Variants in SLCO4C1 observed in about 807,000 individuals in gnomAD.
The protein encoded by SLCO4C1 is organic anion transporter M1.
Under a neutral mutation model 72.1 loss-of-function variants are expected in SLCO4C1, and 58 were observed. The observed-to-expected ratio is 0.80, with a 90% CI of 0.65 to 1.00. The LOEUF (loss-of-function observed/expected upper bound fraction) is 1.00, where lower values mean the gene tolerates loss of function less well. Ranked by LOEUF, SLCO4C1 falls within the 50% of genes least tolerant of loss-of-function variation. SLCO4C1 has a pLI of 0.00. For synonymous variants in SLCO4C1, 297 were observed against 312.5 expected, an observed-to-expected ratio of 0.95 and a Z score of 0.52; for missense variants, 898 against 857.9, an observed-to-expected ratio of 1.05 and a Z score of -0.58.
chr5:102,293,433 T>C (rs1186286791), intron 1 of SLCO4C1, among the ~76,000 whole-genome samples: 1 of 152,054 alleles, frequency 6.6e-6, no homozygotes, highest in Non-Finnish European at 1.5e-5. Flanking sequence ...AGAACACTAC[T>C]TAAAAAAACA....
rs77665689 is a variant in SLCO4C1, at chr5:102,289,744, T to C, written c.619+1599A>G. On this transcript the variant is annotated intron_variant, in intron 2 of 12. Coordinates refer to ENST00000310954, the MANE Select transcript of SLCO4C1 (RefSeq NM_180991.5). Reference sequence around the variant, plus strand: ...CTCAGATAATGTGCTAGAATCTATGTAAGTGCTCTCTCTGCTGATAACTTA... The same window carrying C: ...CTCAGATAATGTGCTAGAATCTATGCAAGTGCTCTCTCTGCTGATAACTTA... Among the ~76,000 whole-genome samples, 1,227 of 152,340 alleles carry C rather than the reference T, an allele frequency of 8.1e-3. 12 individuals carry two copies. The highest frequency in any genetic ancestry group is 0.015 in the Non-Finnish European group (997 of 68,034).
chr5:102,254,217 G>A (rs1225764034), intron 8 of SLCO4C1, among the ~76,000 whole-genome samples: 1 of 152,034 alleles, frequency 6.6e-6, no homozygotes, highest in Non-Finnish European at 1.5e-5. Flanking sequence ...CCATAGACAG[G>A]CTTACCTAGC....
At chr5:102,238,607 A>G (rs1748481647) in intron 12 of SLCO4C1, among the ~76,000 whole-genome samples, 2 of 152,170 alleles carry the variant, frequency 1.3e-5, no homozygotes, top group Non-Finnish European at 2.9e-5. Flanking sequence ...ATGTATACAT[A>G]CATTCAGGAT....
At chr5:102,278,965 A>G (rs1038744312) in intron 2 of SLCO4C1, among the ~76,000 whole-genome samples, 3 of 151,756 alleles carry the variant, frequency 2.0e-5, no homozygotes, top group African/African-American at 7.2e-5. Flanking sequence ...TAAATTTAAA[A>G]TAAGTAGAAG....
rs1465148720 is a variant in SLCO4C1 at position 102,260,268 on chromosome 5, C to T, written c.1073G>A (p.Ser358Asn). Reference sequence around the variant, plus strand: ...TTTTCCAAATTTCACATCTGCATTACTATTACTCTGATGAGCCTGGGAAGT... The same window carrying T: ...TTTTCCAAATTTCACATCTGCATTATTATTACTCTGATGAGCCTGGGAAGT... ...GKTSQAHQSN[S>N]NADVKFGKSI... Residue 358 changes from serine to asparagine, a missense_variant, in exon 6 of 13, where the codon AGT (serine) becomes AAT (asparagine). Ser to Asn is a conservative substitution (Grantham distance 46). Transcript: ENST00000310954. 9 of 1,398,824 alleles carry T rather than the reference C, an allele frequency of 6.4e-6. No individual in the cohort carries two copies. Among genetic ancestry groups the T allele is most frequent in the East Asian group, 2.8e-5 (1 of 35,562 alleles). The allele number at this position is 1,398,824 out of a possible 1,614,324, so 86.7% of individuals were successfully genotyped here.
intron 2 of SLCO4C1, among the ~76,000 whole-genome samples, chr5:102,287,061 C>T (rs1749465903): frequency 6.6e-6 from 1 of 152,086 alleles, no homozygotes; most frequent in Non-Finnish European, 1.5e-5. Context: ...AATTAAATTA[C>T]ATGTATAATT....
At chr5:102,282,525 G>T (rs1162800278) in intron 2 of SLCO4C1, among the ~76,000 whole-genome samples, 1 of 151,896 alleles carries the variant, frequency 6.6e-6, no homozygotes, top group African/African-American at 2.4e-5. Flanking sequence ...ACAAAGGAGG[G>T]TTGGTTAAAT....
At chr5:102,282,107 G>C (rs868822809) in intron 2 of SLCO4C1, among the ~76,000 whole-genome samples, 1 of 151,968 alleles carries the variant, frequency 6.6e-6, no homozygotes, top group Non-Finnish European at 1.5e-5. Context: ...ACAACAACAT[G>C]ATGAGTATTC....
intron 9 of SLCO4C1, among the ~76,000 whole-genome samples, chr5:102,249,321 A>G (rs973054014): frequency 2.6e-5 from 4 of 152,128 alleles, no homozygotes; most frequent in African/African-American, 9.7e-5. Context: ...ATTTGGGTAT[A>G]TGCAGGGGTC....
chr5:102,286,327 C>T (rs1749451526), intron 2 of SLCO4C1, among the ~76,000 whole-genome samples: 1 of 151,974 alleles, frequency 6.6e-6, no homozygotes, highest in Non-Finnish European at 1.5e-5. Flanking sequence ...TACAATTCCT[C>T]AGTATTTAAT....
At chr5:102,253,692 C>T (rs188620045) in intron 8 of SLCO4C1, among the ~76,000 whole-genome samples, 1 of 152,050 alleles carries the variant, frequency 6.6e-6, no homozygotes, top group Non-Finnish European at 1.5e-5. Flanking sequence ...ATAATCCCAG[C>T]TACTCGGGAG....
intron 2 of SLCO4C1, among the ~76,000 whole-genome samples, chr5:102,287,081 A>G (rs773930339): frequency 1.3e-5 from 2 of 152,162 alleles, no homozygotes; most frequent in African/African-American, 2.4e-5. Context: ...TTCAATTAAT[A>G]AAATCATTTA....
At chr5:102,294,457 AC>A (rs1315344772) in intron 1 of SLCO4C1, among the ~76,000 whole-genome samples, 3 of 152,216 alleles carry the variant, frequency 2.0e-5, no homozygotes, top group Non-Finnish European at 2.9e-5. Flanking sequence ...ACATTTGATA[AC>A]AATTTTAGGC....
intron 2 of SLCO4C1, among the ~76,000 whole-genome samples, chr5:102,273,952 T>C (rs1749199347): frequency 6.6e-6 from 1 of 152,018 alleles, no homozygotes; most frequent in Admixed American, 6.6e-5. Flanking sequence ...TATCTGTGGA[T>C]TCAACCAACC....
intron 11 of SLCO4C1, 50 bp downstream of exon 11, chr5:102,240,668 A>G (rs1748522400): frequency 1.3e-6 from 2 of 1,491,292 alleles, no homozygotes; most frequent in Non-Finnish European, 1.9e-6. Flanking sequence ...AATAACACTA[A>G]TGAACCAAAA....
Position 102,296,254 on chromosome 5 carries a change from G to A in SLCO4C1, c.9C>T (p.Ser3=). ...AAGCCAAGTTCTCAATACCTTTGGC[G>A]CTCTTCATGTCTGGATGGGTTCTCC... MK[S]AKGIENLAFV... The change falls in exon 1 of 13, where the codon AGC becomes AGT. Residue 3 remains serine, a synonymous_variant. Coordinates refer to ENST00000310954, the MANE Select transcript of SLCO4C1 (RefSeq NM_180991.5). 1 of 1,538,450 alleles carries A rather than the reference G, an allele frequency of 6.5e-7. No individual in the cohort carries two copies. Among genetic ancestry groups the A allele is most frequent in the Non-Finnish European group, 8.7e-7 (1 of 1,143,970 alleles).
chr5:102,268,835 C>T (rs2113091), intron 3 of SLCO4C1, among the ~76,000 whole-genome samples: 114,468 of 151,938 alleles, frequency 0.75, 43,177 homozygotes, highest in Middle Eastern at 0.84. Flanking sequence ...TTTGTAGGGC[C>T]GGTCTAGTGA....
intron 10 of SLCO4C1, among the ~76,000 whole-genome samples, chr5:102,245,572 C>T (rs1748622139): frequency 6.6e-6 from 1 of 152,088 alleles, no homozygotes; most frequent in African/African-American, 2.4e-5. Context: ...AAGAGAGAGA[C>T]AGGCCTTGAT....
At chr5:102,282,559 T>C (rs1180759570) in intron 2 of SLCO4C1, among the ~76,000 whole-genome samples, 4 of 151,884 alleles carry the variant, frequency 2.6e-5, no homozygotes, top group Non-Finnish European at 4.4e-5. Flanking sequence ...AATGAAATAA[T>C]AGAAAAGCAA....
Sources: allele counts gnomAD v4.1 joint callset (sites outside exome capture counted in the v4.1 genomes callset), GRCh38; gene constraint gnomAD v4.1.1; transcripts MANE v1.5; gene names NCBI Gene and HGNC (gene_info 2026-07-23, HGNC 2026-07-21).